Variants in RREB1 observed in about 807,000 individuals in gnomAD.
RREB1 encodes the protein ras responsive element binding protein 1.
In RREB1, 27 loss-of-function variants were observed where a neutral mutation model predicts 117.8. The ratio of observed to expected loss-of-function variants is 0.23; its 90% CI spans 0.17 to 0.32. RREB1 has a LOEUF of 0.32. RREB1 is among the 10% of genes least tolerant of loss of function. RREB1 has a pLI of 1.00. For missense variants in RREB1, 2,577 were observed against 2,378.2 expected (o/e 1.08, Z -1.74); for synonymous variants, 1,298 against 1,026.7 (o/e 1.26, Z -5.05).
intron 6 of RREB1, among the ~76,000 whole-genome samples, chr6:7,208,178 C>G (rs1246467915): frequency 6.6e-6 from 1 of 152,212 alleles, no homozygotes; most frequent in Non-Finnish European, 1.5e-5. Flanking sequence ...TTGGAATACT[C>G]TCTTTCCCAC....
chr6:7,117,351 C>G (rs9378486), intron 1 of RREB1, among the ~76,000 whole-genome samples: 14 of 130,376 alleles, frequency 1.1e-4, no homozygotes, highest in Admixed American at 2.4e-4. Context: ...GGTGGGTGTT[C>G]TGAAACACAA....
At chr6:7,158,791 CTAAAG>C (rs1763509545) in intron 1 of RREB1, among the ~76,000 whole-genome samples, 1 of 152,056 alleles carries the variant, frequency 6.6e-6, no homozygotes, top group South Asian at 2.1e-4. Flanking sequence ...ATTTGAGGGC[CTAAAG>C]TAGAGTATTT....
rs754275196 is a variant in RREB1, at chr6:7,231,736, G to C, written c.3637G>C (p.Ala1213Pro). ...TCAGGATGAGGTGGCCGGAGCCCCT[G>C]CCGACCACCATGGGCCCAGTGATGA... is the stretch of plus-strand genomic sequence containing the variant. ...NTQDEVAGAP[A>P]DHHGPSDEEQ... is the part of the protein sequence containing the mutation. The change falls in exon 10 of 13, where the codon GCC becomes CCC. Residue 1213 changes from alanine (A) to proline (P), a missense_variant. Ala to Pro is a conservative substitution (Grantham distance 27). Coordinates refer to ENST00000379938, the MANE Select transcript of RREB1 (RefSeq NM_001003699.4). 2 of 1,613,842 alleles carry C rather than the reference G, an allele frequency of 1.2e-6. No individual in the cohort carries two copies. Among genetic ancestry groups the C allele is most frequent in the Admixed American group, 3.3e-5 (2 of 60,032 alleles).
Position 7,231,294 on chromosome 6 carries a change from G to A in RREB1, c.3195G>A (p.Leu1065=), listed in dbSNP as rs1288957150. Residue 1065 remains leucine (L), a synonymous_variant, in exon 10 of 13, where the codon CTG becomes CTA. Transcript: ENST00000379938. ...KPPVTEELPP[L]ASIAQIISSV... is the part of the protein sequence containing the mutation. ...CCGTGACAGAAGAGCTGCCCCCGCTGGCCTCCATTGCCCAGATCATCTCAT... is the reference window on the plus strand; with the variant it reads ...CCGTGACAGAAGAGCTGCCCCCGCTAGCCTCCATTGCCCAGATCATCTCAT... The A allele has an allele frequency of 6.2e-7, 1 of 1,607,398 alleles. No homozygotes were observed. The highest frequency in any genetic ancestry group is 1.7e-5 in the Admixed American group (1 of 59,582).
At position 7,210,873 on chromosome 6, in the gene RREB1, T is replaced by C. The variant is rs531706175; in HGVS notation, c.495T>C (p.Arg165=). The part of the protein sequence containing the change: ...TATAPPSPLK[R]RRLSSKRKLS... The stretch of plus-strand genomic sequence containing the variant: ...CAGCCCCTCCATCTCCTCTGAAACG[T>C]AGGCGATTGTCCTCCAAGAGGAAAC... Residue 165 remains arginine, a synonymous_variant, in exon 7 of 13, where the codon CGT becomes CGC. Transcript: ENST00000379938. 3 of 1,614,066 alleles carry C rather than the reference T, an allele frequency of 1.9e-6. No homozygotes were observed. Among genetic ancestry groups the C allele is most frequent in the South Asian group, 2.2e-5 (2 of 91,080 alleles).
intron 1 of RREB1, among the ~76,000 whole-genome samples, chr6:7,170,054 C>G (rs540644939): frequency 3.3e-4 from 50 of 152,314 alleles, no homozygotes; most frequent in Non-Finnish European, 4.9e-4. Context: ...CTCCTTCCCC[C>G]ACACTTTACA....
chr6:7,205,294 T>C (rs1207894272), intron 6 of RREB1, among the ~76,000 whole-genome samples: 1 of 152,174 alleles, frequency 6.6e-6, no homozygotes, highest in African/African-American at 2.4e-5. Flanking sequence ...GTGGTGCCCA[T>C]GCTGCTGGTC....
chr6:7,117,064 T>A (rs1761430320), intron 1 of RREB1, among the ~76,000 whole-genome samples: 1 of 152,220 alleles, frequency 6.6e-6, no homozygotes, highest in Non-Finnish European at 1.5e-5. Context: ...CTCGTAGGAT[T>A]CAAAACAGAA....
At chr6:7,161,483 A>G (rs1763660907) in intron 1 of RREB1, among the ~76,000 whole-genome samples, 1 of 152,204 alleles carries the variant, frequency 6.6e-6, no homozygotes, top group Non-Finnish European at 1.5e-5. Flanking sequence ...AACTGTTCAT[A>G]GAGTTCAGTT....
chr6:7,184,371 T>A (rs566198173), intron 4 of RREB1: 5 of 151,538 alleles, frequency 3.3e-5, no homozygotes, highest in African/African-American at 1.2e-4. Context: ...ATACAGCTAA[T>A]GTGTGTAAAC....
chr6:7,145,119 A>C (rs908698390), intron 1 of RREB1, among the ~76,000 whole-genome samples: 1 of 152,356 alleles, frequency 6.6e-6, no homozygotes, highest in East Asian at 1.9e-4. Context: ...TTGAAGGTCC[A>C]TGTGAAGACA....
intron 9 of RREB1, among the ~76,000 whole-genome samples, chr6:7,228,420 C>T (rs369662321): frequency 4.4e-4 from 66 of 151,276 alleles, no homozygotes; most frequent in Admixed American, 1.1e-3. Context: ...TCAGTTATCA[C>T]GCAAACATGA....
chr6:7,144,981 T>C (rs1483420738), intron 1 of RREB1, among the ~76,000 whole-genome samples: 2 of 152,158 alleles, frequency 1.3e-5, no homozygotes, highest in Non-Finnish European at 2.9e-5. Context: ...CATACAAACA[T>C]AGTTAAGGGG....
chr6:7,245,391 T>C (rs1768944142), intron 11 of RREB1, among the ~76,000 whole-genome samples: 2 of 152,154 alleles, frequency 1.3e-5, no homozygotes, highest in African/African-American at 4.8e-5. Context: ...CGAAACTCCG[T>C]CTTGAAAAAA....
intron 1 of RREB1, among the ~76,000 whole-genome samples, chr6:7,113,589 T>C (rs1014505993): frequency 6.6e-6 from 1 of 152,090 alleles, no homozygotes; most frequent in Non-Finnish European, 1.5e-5. Flanking sequence ...CCGGGGGCTG[T>C]TAATGAATCA....
At position 7,231,925 on chromosome 6, in the gene RREB1, C is replaced by T. The variant is rs142897507; in HGVS notation, c.3808+18C>T. On this transcript the variant is annotated intron_variant, in intron 10 of 12. Coordinates refer to ENST00000379938, the MANE Select transcript of RREB1 (RefSeq NM_001003699.4). ...ACACACTGGTAAGAGGGCCACCGGG[C>T]TCCCAGGCAGTGAGTCCTACTTCCT... The T allele has an allele frequency of 0.015, 23,247 of 1,562,836 alleles. 210 individuals carry two copies. Among genetic ancestry groups the T allele is most frequent in the Non-Finnish European group, 0.017 (20,090 of 1,149,880 alleles).
At chr6:7,153,444 A>ACACACACACACACACACAC (rs1554118520) in intron 1 of RREB1, among the ~76,000 whole-genome samples, 2 of 151,694 alleles carry the variant, frequency 1.3e-5, no homozygotes, top group African/African-American at 2.4e-5. Flanking sequence ...ACACACACAC[A>ACACACACACACACACACAC]AATCCTCCAA....
Position 7,230,611 on chromosome 6 carries a change from G to A in RREB1, c.2512G>A (p.Ala838Thr). 6.2e-7 allele frequency: 1 copy of A among 1,603,860 alleles called. No homozygotes were observed. The highest frequency in any genetic ancestry group is 1.3e-5 in the African/African-American group (1 of 74,762). The change falls in exon 10 of 13, where the codon GCC (alanine) becomes ACC (threonine). Residue 838 changes from alanine (A) to threonine (T), a missense_variant. Transcript: ENST00000379938. ...ADGLGPAEAP[A>T]AEASGRGEDS... ...CGGCCTGGGCCCCGCAGAGGCGCCG[G>A]CCGCTGAGGCGTCGGGGCGCGGGGA...
chr6:7,190,613 T>G (rs1765351771), intron 6 of RREB1, among the ~76,000 whole-genome samples: 1 of 152,262 alleles, frequency 6.6e-6, no homozygotes, highest in South Asian at 2.1e-4. Context: ...TCTTTGCCCC[T>G]CATCTCTTCC....
Sources: gnomAD v4.1 joint callset for allele counts (sites outside exome capture counted in the v4.1 genomes callset) on GRCh38, gnomAD v4.1.1 for gene constraint, MANE v1.5 for transcripts, NCBI Gene and HGNC (gene_info 2026-07-23, HGNC 2026-07-21) for gene names.